Variants in UMAD1 observed in about 807,000 individuals in gnomAD.
UMAD1 encodes UBAP1-MVB12-associated (UMA)-domain containing protein 1.
Under a neutral mutation model 6.1 loss-of-function variants are expected in UMAD1, and 8 were observed. The observed-to-expected ratio is 1.30, with a 90% confidence interval of 0.76 to 2.35. UMAD1 has a LOEUF of 2.35. Among genes scored for constraint, UMAD1 ranks in the 30% most tolerant of loss-of-function variants. UMAD1 has a pLI of 0.00. For synonymous variants in UMAD1, 56 were observed against 31.4 expected (o/e 1.78, Z -2.61); for missense variants, 130 against 78.4 (o/e 1.66, Z -2.49).
At chr7:7,760,753 A>T (rs1413772988) in intron 2 of UMAD1, among the ~76,000 whole-genome samples, 1 of 152,198 alleles carries the variant, frequency 6.6e-6, no homozygotes, top group East Asian at 1.9e-4. Context: ...TCCTGGGCAC[A>T]GTGAAAGAAT....
intron 2 of UMAD1, among the ~76,000 whole-genome samples, chr7:7,731,297 G>C (rs888121536): frequency 6.6e-6 from 1 of 152,096 alleles, no homozygotes; most frequent in African/African-American, 2.4e-5. Context: ...ACTGCACCCG[G>C]CCTCAAATAT....
intron 3 of UMAD1, among the ~76,000 whole-genome samples, chr7:7,805,682 C>T (rs1184679314): frequency 1.3e-5 from 2 of 152,162 alleles, no homozygotes; most frequent in Non-Finnish European, 2.9e-5. Context: ...CATCCCCATC[C>T]ACCAGCCACC....
At chr7:7,776,290 A>G (rs540962720) in intron 2 of UMAD1, among the ~76,000 whole-genome samples, 1 of 152,348 alleles carries the variant, frequency 6.6e-6, no homozygotes, top group African/African-American at 2.4e-5. Context: ...GCAAGACCCC[A>G]TCTCTAGAAA....
At chr7:7,741,637 A>C (rs1283997145) in intron 2 of UMAD1, among the ~76,000 whole-genome samples, 1 of 150,150 alleles carries the variant, frequency 6.7e-6, no homozygotes, top group African/African-American at 2.4e-5. Flanking sequence ...AAAACACTGT[A>C]ATGTAATTAG....
intron 2 of UMAD1, among the ~76,000 whole-genome samples, chr7:7,702,837 A>G (rs1780494075): frequency 1.3e-5 from 2 of 152,180 alleles, no homozygotes; most frequent in African/African-American, 4.8e-5. Flanking sequence ...AAAAATGCTT[A>G]GAGACAAGTC....
At chr7:7,695,888 A>G (rs1407761878) in intron 2 of UMAD1, among the ~76,000 whole-genome samples, 2 of 152,018 alleles carry the variant, frequency 1.3e-5, no homozygotes, top group Non-Finnish European at 2.9e-5. Flanking sequence ...GGTTGGATTT[A>G]GTATCCAACC....
intron 2 of UMAD1, among the ~76,000 whole-genome samples, chr7:7,763,025 A>C (rs1366558201): frequency 6.6e-6 from 1 of 152,192 alleles, no homozygotes; most frequent in Admixed American, 6.5e-5. Context: ...GTTTATGGAA[A>C]CCTAGTATTT....
intron 3 of UMAD1, among the ~76,000 whole-genome samples, chr7:7,841,689 A>G (rs1563251114): frequency 6.6e-6 from 1 of 152,228 alleles, no homozygotes; most frequent in Non-Finnish European, 1.5e-5. Context: ...CTGGCATGCA[A>G]GCAGCTTAGA....
chr7:7,653,521 A>G (rs976185114), intron 1 of UMAD1, among the ~76,000 whole-genome samples: 2 of 152,228 alleles, frequency 1.3e-5, no homozygotes, highest in East Asian at 3.8e-4. Flanking sequence ...AAACCTCTTG[A>G]AATTAAGATG....
intron 1 of UMAD1, among the ~76,000 whole-genome samples, chr7:7,655,024 A>G (rs755673026): frequency 4.6e-5 from 7 of 152,186 alleles, no homozygotes; most frequent in African/African-American, 7.2e-5. Context: ...TCTATTCTAG[A>G]AAATTAGTAA....
chr7:7,795,024 A>C (rs548236096), intron 2 of UMAD1, among the ~76,000 whole-genome samples: 3 of 152,334 alleles, frequency 2.0e-5, no homozygotes, highest in African/African-American at 7.2e-5. Context: ...CAATCAGAAA[A>C]TCTTTGAATC....
chr7:7,708,665 C>G (rs1780670510), intron 2 of UMAD1, among the ~76,000 whole-genome samples: 1 of 152,166 alleles, frequency 6.6e-6, no homozygotes, highest in African/African-American at 2.4e-5. Flanking sequence ...ACTTTTCCTA[C>G]TACTTCGTTT....
intron 2 of UMAD1, among the ~76,000 whole-genome samples, chr7:7,758,260 G>A (rs945298843): frequency 5.9e-5 from 9 of 151,852 alleles, no homozygotes; most frequent in Admixed American, 2.6e-4. Context: ...AACTAGAGTC[G>A]TCTTTGCTTT....
intron 2 of UMAD1, among the ~76,000 whole-genome samples, chr7:7,708,034 T>G (rs967419778): frequency 2.0e-5 from 3 of 152,188 alleles, no homozygotes; most frequent in Admixed American, 2.0e-4. Context: ...TGAAAGTAAT[T>G]TGCTTCATTA....
At chr7:7,768,086 G>A (rs1176771977) in intron 2 of UMAD1, among the ~76,000 whole-genome samples, 3 of 152,020 alleles carry the variant, frequency 2.0e-5, no homozygotes, top group African/African-American at 7.2e-5. Flanking sequence ...TAGGAACCTG[G>A]AAATTTATTT....
intron 1 of UMAD1, among the ~76,000 whole-genome samples, chr7:7,646,754 GTCCCCAGCCAAAC>G (rs1239491893): frequency 6.6e-6 from 1 of 151,816 alleles, no homozygotes; most frequent in African/African-American, 2.4e-5. Flanking sequence ...CTCTCTGACC[GTCCCCAGCCAAAC>G]TCCCCTCGAC....
chr7:7,861,399 G>A (rs1051885083), intron 3 of UMAD1, among the ~76,000 whole-genome samples: 2 of 152,156 alleles, frequency 1.3e-5, no homozygotes, highest in African/African-American at 4.8e-5. Context: ...ACACAGCTGT[G>A]TTTACTTTTC....
intron 1 of UMAD1, among the ~76,000 whole-genome samples, chr7:7,648,867 G>GA (rs113575166): frequency 3.1e-3 from 438 of 141,640 alleles, no homozygotes; most frequent in African/African-American, 0.011. Flanking sequence ...AAGAAAGAAA[G>GA]AAAAAAAAAG....
intron 2 of UMAD1, among the ~76,000 whole-genome samples, chr7:7,726,573 T>C (rs746207523): frequency 2.0e-5 from 3 of 152,154 alleles, no homozygotes; most frequent in Non-Finnish European, 2.9e-5. Flanking sequence ...GATTCACAGG[T>C]CCAGGAATCA....
Sources: gnomAD v4.1 joint callset for allele counts (sites outside exome capture counted in the v4.1 genomes callset) on GRCh38, gnomAD v4.1.1 for gene constraint, MANE v1.5 for transcripts, NCBI Gene and HGNC (gene_info 2026-07-23, HGNC 2026-07-21) for gene names.